The following IDI1 variants were observed in gnomAD, a reference collection of about 807,000 sequenced individuals.
IDI1 encodes the protein isopentenyl-diphosphate Delta-isomerase 1.
A neutral mutation model predicts 32.9 loss-of-function variants in IDI1; 23 were observed. The observed-to-expected ratio is 0.70, with a 90% CI of 0.50 to 0.99. IDI1 has a LOEUF of 0.99. IDI1 is among the 50% of genes least tolerant of loss of function. The probability of loss-of-function intolerance (pLI) is 0.00; values close to 1 mark genes in which losing one functional copy is unlikely to be tolerated. For synonymous variants in IDI1, 133 were observed against 128.2 expected (o/e 1.04, Z -0.25); for missense variants, 326 against 351.9 (o/e 0.93, Z 0.59).
chr10:1,041,886 A>G (rs1589048927), intron 4 of IDI1, among the ~76,000 whole-genome samples: 1 of 151,212 alleles, frequency 6.6e-6, no homozygotes, highest in South Asian at 2.1e-4. Context: ...GCTCACTGCA[A>G]CCTCCGCCTC....
upstream of IDI1, among the ~76,000 whole-genome samples, chr10:1,053,710 T>C (rs1214292533): frequency 6.6e-6 from 1 of 152,156 alleles, no homozygotes; most frequent in African/African-American, 2.4e-5. Context: ...ACAGTAGCCA[T>C]TTTAGGGCTA....
upstream of IDI1, among the ~76,000 whole-genome samples, chr10:1,051,608 T>C (rs1255950084): frequency 6.6e-6 from 1 of 152,236 alleles, no homozygotes; most frequent in African/African-American, 2.4e-5. Flanking sequence ...TTTATGTGCA[T>C]TTCCCATTTT....
upstream of IDI1, among the ~76,000 whole-genome samples, chr10:1,050,778 G>T (rs1022863547): frequency 6.6e-6 from 1 of 152,180 alleles, no homozygotes; most frequent in Non-Finnish European, 1.5e-5. Flanking sequence ...GATGTGGCAA[G>T]AACTGCAGCA....
chr10:1,052,172 G>A (rs1833031460), upstream of IDI1, among the ~76,000 whole-genome samples: 1 of 152,180 alleles, frequency 6.6e-6, no homozygotes, highest in South Asian at 2.1e-4. Flanking sequence ...CACCCGGCCA[G>A]GAAAACTTCC....
Position 1,043,401 on chromosome 10 carries a change from C to T in IDI1, c.314-8G>A. The stretch of plus-strand genomic sequence containing the variant: ...AAGCTCGATGCAATAATCCTGAAAG[C>T]AAAAGAAATAACAATTATTTTAGCC... On this transcript the variant is annotated splice_region_variant and splice_polypyrimidine_tract_variant and intron_variant, in intron 2 of 4. Coordinates refer to ENST00000381344, the MANE Select transcript of IDI1 (RefSeq NM_004508.4). The T allele has an allele frequency of 6.4e-7, 1 of 1,561,914 alleles. No homozygotes were observed. Among genetic ancestry groups the T allele is most frequent in the Non-Finnish European group, 8.8e-7 (1 of 1,132,530 alleles).
chr10:1,049,384 T>A (rs1589057999), upstream of IDI1, among the ~76,000 whole-genome samples: 3 of 149,254 alleles, frequency 2.0e-5, no homozygotes, highest in South Asian at 6.3e-4. Context: ...CGGCGTCCCA[T>A]GGGAGCGACC....
rs1832887037 is a variant in IDI1 at position 1,048,834 on chromosome 10, C to T, written c.140+30G>A. ...CTCCCCGATGCCGCCCTGCCCCTGT[C>T]TCCCGAACTCCGCCGCCCGTCCACA... On this transcript the variant is annotated intron_variant, in intron 1 of 4. Transcript: ENST00000381344. 3 of 1,600,378 alleles carry T rather than the reference C, an allele frequency of 1.9e-6. No individual in the cohort carries two copies. The East Asian group carries it at 6.8e-5, about 36-fold the overall frequency.
chr10:1,049,470 C>T (rs868330400), upstream of IDI1: 596 of 59,204 alleles, frequency 0.01, 17 homozygotes, highest in African/African-American at 0.016. Context: ...CACTCCCCCC[C>T]CTCCCCCCCC....
chr10:1,046,472 C>G (rs1211496104), intron 1 of IDI1, among the ~76,000 whole-genome samples: 1 of 152,030 alleles, frequency 6.6e-6, no homozygotes, highest in African/African-American at 2.4e-5. Context: ...ACTGGCTACA[C>G]CACACAGCCC....
At chr10:1,054,005 C>T (rs1051370274), upstream of IDI1, among the ~76,000 whole-genome samples, 3 of 152,162 alleles carry the variant, frequency 2.0e-5, no homozygotes, top group East Asian at 1.9e-4. Flanking sequence ...AAACATTTAT[C>T]GACTCAGTTT....
intron 2 of IDI1, 132 bp from the exon 3 acceptor site, chr10:1,043,525 A>G (rs775721656): frequency 4.9e-5 from 35 of 719,332 alleles, no homozygotes; most frequent in Non-Finnish European, 8.5e-5. Context: ...ATCCACATGC[A>G]TAGTCTCTGC....
chr10:1,043,428 T>G, intron 2 of IDI1, 35 bp from the exon 3 acceptor site: 2 of 1,322,164 alleles, frequency 1.5e-6, no homozygotes, highest in Non-Finnish European at 2.2e-6. Context: ...ATTTTAGCCT[T>G]AAGTACCAGT....
At chr10:1,049,205 G>T, upstream of IDI1, 1 of 871,314 alleles carries the variant, frequency 1.1e-6, no homozygotes, top group Non-Finnish European at 1.6e-6. Flanking sequence ...GCGACTGGGC[G>T]GTGCCCGAGA....
chr10:1,054,026 A>G (rs976943283), upstream of IDI1, among the ~76,000 whole-genome samples: 4 of 152,240 alleles, frequency 2.6e-5, no homozygotes, highest in Admixed American at 2.6e-4. Flanking sequence ...GCTGTCTTAT[A>G]TAGGGGTGGT....
At chr10:1,056,028 C>T in the IDI1 span, among the ~76,000 whole-genome samples, 1 of 152,084 alleles carries the variant, frequency 6.6e-6, no homozygotes, top group Non-Finnish European at 1.5e-5. Context: ...AGGCTGGTCT[C>T]GACCTCCTAA....
rs1369351926 is a variant in IDI1, at chr10:1,044,174, A to T, written c.141-3T>A. On this transcript the variant is annotated splice_polypyrimidine_tract_variant and splice_region_variant and intron_variant, in intron 1 of 4. Transcript: ENST00000381344. Reference sequence around the variant, plus strand: ...AATGTCTGATCTGTTCTAGAACACTAATATTAAAGGAAAAGAGAAAGAAAG... The same window carrying T: ...AATGTCTGATCTGTTCTAGAACACTTATATTAAAGGAAAAGAGAAAGAAAG... 3 of 1,595,262 alleles carry T rather than the reference A, an allele frequency of 1.9e-6. No individual in the cohort carries two copies. The highest frequency in any genetic ancestry group is 2.6e-6 in the Non-Finnish European group (3 of 1,170,836).
At chr10:1,049,536 C>T (rs1447300181), upstream of IDI1, 2 of 141,168 alleles carry the variant, frequency 1.4e-5, no homozygotes, top group East Asian at 2.5e-4. Flanking sequence ...TCTCGTATGT[C>T]TAGAACGATG....
chr10:1,049,294 A>G (rs1296471752), upstream of IDI1: 2 of 439,996 alleles, frequency 4.5e-6, no homozygotes, highest in Non-Finnish European at 8.0e-6. Context: ...CTAACGTCAG[A>G]CGTCTCGAGG....
intron 4 of IDI1, 154 bp downstream of exon 4, chr10:1,042,478 A>T: frequency 1.4e-6 from 1 of 723,394 alleles, no homozygotes; most frequent in Non-Finnish European, 2.4e-6. Flanking sequence ...ATTAAAATTT[A>T]AATAATCTTT....
Sources: allele counts gnomAD v4.1 joint callset (sites outside exome capture counted in the v4.1 genomes callset), GRCh38; gene constraint gnomAD v4.1.1; transcripts MANE v1.5; gene names NCBI Gene and HGNC (gene_info 2026-07-23, HGNC 2026-07-21).